ANKAR: variants seen among roughly 807,000 people sequenced by gnomAD.
ANKAR encodes the protein ankyrin and armadillo repeat-containing protein.
In ANKAR, 136 loss-of-function variants were observed where a neutral mutation model predicts 146.2. That is an observed-to-expected ratio of 0.93 (90% CI 0.81 to 1.07). The LOEUF (loss-of-function observed/expected upper bound fraction) is 1.07. Ranked by LOEUF, ANKAR falls within the 50% of genes least tolerant of loss-of-function variation. ANKAR has a pLI of 0.00. For synonymous variants in ANKAR, 500 were observed against 575.8 expected, an observed-to-expected ratio of 0.87 and a Z score of 1.88; for missense variants, 1,567 against 1,679.9, an observed-to-expected ratio of 0.93 and a Z score of 1.18.
intron 3 of ANKAR, among the ~76,000 whole-genome samples, chr2:189,690,413 CAT>C (rs1172235936): frequency 6.6e-6 from 1 of 152,012 alleles, no homozygotes; most frequent in African/African-American, 2.4e-5. Flanking sequence ...TAGATGGAAA[CAT>C]ATTAAAACTA....
Position 189,720,645 on chromosome 2 carries a change from A to G in ANKAR, c.2493A>G (p.Leu831=), listed in dbSNP as rs376963396. The G allele has an allele frequency of 5.8e-6, 8 of 1,373,400 alleles. No homozygotes were observed. Among genetic ancestry groups the G allele is most frequent in the African/African-American group, 1.5e-5 (1 of 66,870 alleles). The allele number at this position is 1,373,400 out of a possible 1,614,324, so 85.1% of individuals were successfully genotyped here. ...ATGGAATCCCAAGCCTGATAAATCT[A>G]TTGAACTTAAACATAGAAAATGTGC... ...KYNGIPSLIN[L]LNLNIENVLV... The change falls in exon 12 of 23, where the codon CTA becomes CTG. Residue 831 remains leucine (L), a synonymous_variant. Transcript: ENST00000684021.
intron 2 of ANKAR, among the ~76,000 whole-genome samples, chr2:189,683,038 C>G (rs866141906): frequency 6.6e-6 from 1 of 152,124 alleles, no homozygotes; most frequent in African/African-American, 2.4e-5. Context: ...GGATTAATGC[C>G]CTTATAAAAG....
At chr2:189,727,516 C>A (rs1227374283) in intron 12 of ANKAR, among the ~76,000 whole-genome samples, 2 of 63,888 alleles carry the variant, frequency 3.1e-5, no homozygotes, top group African/African-American at 1.3e-4. Flanking sequence ...AGAGCCAAAC[C>A]TTGTCTCAAA....
intron 22 of ANKAR, among the ~76,000 whole-genome samples, chr2:189,745,338 C>T (rs1225306022): frequency 6.6e-6 from 1 of 152,104 alleles, no homozygotes; most frequent in Admixed American, 6.6e-5. Context: ...TTGAAAGTGA[C>T]TCCTGTCTTA....
intron 22 of ANKAR, 148 bp from the exon 23 acceptor site, chr2:189,746,232 G>T: frequency 1.1e-6 from 1 of 873,948 alleles, no homozygotes. Context: ...CAAATTTTTG[G>T]CCCCTGACAT....
chr2:189,747,861 T>C (rs1259244824), downstream of ANKAR, among the ~76,000 whole-genome samples: 1 of 152,154 alleles, frequency 6.6e-6, no homozygotes, highest in Non-Finnish European at 1.5e-5. Context: ...AATTTTTGTA[T>C]TTTTAGTAGA....
chr2:189,711,291 T>G, intron 10 of ANKAR, 138 bp downstream of exon 10: 1 of 557,574 alleles, frequency 1.8e-6, no homozygotes, highest in Non-Finnish European at 3.0e-6. Context: ...TAAGATCACT[T>G]CATTTACCTG....
intron 2 of ANKAR, among the ~76,000 whole-genome samples, chr2:189,679,073 ATTTG>A (rs2034228336): frequency 6.6e-6 from 1 of 152,104 alleles, no homozygotes; most frequent in South Asian, 2.1e-4. Flanking sequence ...ATGTGTTTTC[ATTTG>A]TTTGTGTCAT....
chr2:189,714,348 C>T (rs2040124181), intron 10 of ANKAR, among the ~76,000 whole-genome samples: 1 of 152,078 alleles, frequency 6.6e-6, no homozygotes, highest in Non-Finnish European at 1.5e-5. Flanking sequence ...CAAACCTGAC[C>T]ACATAGTTGG....
At chr2:189,762,473 T>C (rs2047238015), downstream of ANKAR, 1 of 579,088 alleles carries the variant, frequency 1.7e-6, no homozygotes, top group Non-Finnish European at 2.2e-6. Context: ...AGACACAACC[T>C]AGAGGAATTA....
downstream of ANKAR, chr2:189,762,529 T>C (rs2047255548): frequency 8.8e-6 from 8 of 911,162 alleles, no homozygotes; most frequent in Non-Finnish European, 1.0e-5. Flanking sequence ...TACGAAGCAC[T>C]ACCCTTTCGG....
At chr2:189,696,657 G>C (rs2105575977) in intron 7 of ANKAR, among the ~76,000 whole-genome samples, 1 of 152,320 alleles carries the variant, frequency 6.6e-6, no homozygotes, top group South Asian at 2.1e-4. Context: ...CTAATGTCCA[G>C]ATGAAAGTGT....
intron 10 of ANKAR, among the ~76,000 whole-genome samples, chr2:189,717,740 T>C (rs892533301): frequency 6.6e-6 from 1 of 152,202 alleles, no homozygotes; most frequent in Non-Finnish European, 1.5e-5. Context: ...AGATACACCA[T>C]GGAATACTAT....
At chr2:189,755,154 G>T (rs762605594) in intron 18 of ANKAR, 4 of 1,590,114 alleles carry the variant, frequency 2.5e-6, no homozygotes, top group East Asian at 4.5e-5. Context: ...AAAGAATGGA[G>T]AAATTAATTC....
Position 189,698,106 on chromosome 2 carries a change from AGG to A in ANKAR, c.1708+1738_1708+1739del, listed in dbSNP as rs2037511575. Among the ~76,000 whole-genome samples the A allele has an allele frequency of 2.0e-5, 3 of 152,210 alleles. No individual in the cohort carries two copies. The South Asian group carries it at 6.2e-4, about 32-fold the overall frequency. The stretch of plus-strand genomic sequence containing the variant: ...GAGTCATCCAAAGTAGAGGTAAAAA[AGG>A]AAAGAAATGGTAAGACATAAATAAA... On this transcript the variant is annotated intron_variant, in intron 7 of 22. Transcript: ENST00000684021.
At chr2:189,721,577 C>T (rs1018924739) in intron 12 of ANKAR, among the ~76,000 whole-genome samples, 6 of 152,122 alleles carry the variant, frequency 3.9e-5, no homozygotes, top group Non-Finnish European at 8.8e-5. Flanking sequence ...GGCCAATTAT[C>T]AGTTCCTAAA....
chr2:189,675,241 TAAATC>T (rs145412212), intron 1 of ANKAR, among the ~76,000 whole-genome samples: 17,355 of 152,118 alleles, frequency 0.11, 1,159 homozygotes, highest in Middle Eastern at 0.17. Flanking sequence ...TCAGATGAAA[TAAATC>T]AAACCATTAT....
intron 22 of ANKAR, among the ~76,000 whole-genome samples, chr2:189,745,190 CAAAA>C (rs527874516): frequency 4.1e-5 from 6 of 146,220 alleles, no homozygotes; most frequent in African/African-American, 1.5e-4. Context: ...GACTCTGTCT[CAAAA>C]AAAAAAGTAG....
At chr2:189,728,972 G>A in intron 15 of ANKAR, 151 bp downstream of exon 15, 1 of 733,938 alleles carries the variant, frequency 1.4e-6, no homozygotes. Context: ...AACTTTTAAA[G>A]TTTGTCTAAG....
Sources: gnomAD v4.1 joint callset for allele counts (sites outside exome capture counted in the v4.1 genomes callset) on GRCh38, gnomAD v4.1.1 for gene constraint, MANE v1.5 for transcripts, NCBI Gene and HGNC (gene_info 2026-07-23, HGNC 2026-07-21) for gene names.